The following WIF1 variants were observed in gnomAD, a reference collection of about 807,000 sequenced individuals.
The protein encoded by WIF1 is Wnt inhibitory factor 1.
A neutral mutation model predicts 53.5 loss-of-function variants in WIF1; 35 were observed. The ratio of observed to expected loss-of-function variants is 0.65; its 90% CI spans 0.50 to 0.87. The LOEUF (loss-of-function observed/expected upper bound fraction) is 0.87. Among genes scored for constraint, WIF1 ranks in the 40% least tolerant of loss-of-function variants. WIF1 has a pLI of 0.00. For missense variants in WIF1, 467 were observed against 476.8 expected (o/e 0.98, Z 0.19); for synonymous variants, 171 against 170.4 (o/e 1.00, Z -0.03).
At chr12:65,055,003 G>C in intron 9 of WIF1, 115 bp downstream of exon 9, 1 of 1,046,898 alleles carries the variant, frequency 9.6e-7, no homozygotes, top group Non-Finnish European at 1.4e-6. Context: ...TAGGTTGACT[G>C]TTAGCCTTTG....
chr12:65,091,195 T>G (rs1443972435), intron 2 of WIF1, among the ~76,000 whole-genome samples: 2 of 151,746 alleles, frequency 1.3e-5, no homozygotes, highest in African/African-American at 2.4e-5. Context: ...AAATCCAGAC[T>G]ATAGAAAACT....
intron 2 of WIF1, among the ~76,000 whole-genome samples, chr12:65,105,835 A>G (rs1050992893): frequency 1.3e-5 from 2 of 152,196 alleles, no homozygotes; most frequent in African/African-American, 4.8e-5. Context: ...GAGTTTTTGC[A>G]GGGACAAACC....
intron 8 of WIF1, 140 bp downstream of exon 8, chr12:65,055,890 TA>T: frequency 3.1e-6 from 2 of 648,710 alleles, no homozygotes; most frequent in Non-Finnish European, 5.1e-6. Flanking sequence ...CTGGTCTACA[TA>T]AGGAAGCATA....
intron 2 of WIF1, among the ~76,000 whole-genome samples, chr12:65,092,337 C>T (rs890447390): frequency 6.6e-5 from 10 of 151,660 alleles, no homozygotes; most frequent in African/African-American, 1.9e-4. Flanking sequence ...ATGTAGATGA[C>T]GGGTTGATGG....
At chr12:65,068,682 TGTG>T in intron 4 of WIF1, 79 bp downstream of exon 4, 3 of 1,395,812 alleles carry the variant, frequency 2.1e-6, no homozygotes, top group Non-Finnish European at 2.0e-6. Flanking sequence ...TGTGTGTGTG[TGTG>T]TATAGATATA....
intron 2 of WIF1, among the ~76,000 whole-genome samples, chr12:65,117,370 G>A (rs988732163): frequency 6.6e-6 from 1 of 152,172 alleles, no homozygotes. Context: ...AAGATCTGAC[G>A]AAGTTGATGT....
chr12:65,062,459 A>G (rs780999186), intron 7 of WIF1, 22 bp downstream of exon 7: 6 of 1,591,624 alleles, frequency 3.8e-6, no homozygotes, highest in Non-Finnish European at 3.4e-6. Context: ...AAGTCAAAAG[A>G]ACGCAGAAAG....
At chr12:65,089,832 AC>A (rs1883096896) in intron 2 of WIF1, among the ~76,000 whole-genome samples, 1 of 152,052 alleles carries the variant, frequency 6.6e-6, no homozygotes, top group South Asian at 2.1e-4. Flanking sequence ...TATTGTACTT[AC>A]GGTAAAAATC....
chr12:65,095,765 C>T lies in WIF1; in HGVS notation c.289-17911G>A, dbSNP rs189573053. Reference sequence around the variant, plus strand: ...AAGCAGATCGTGCTCACTTCGGCAGCACATATACTAAAATTGAAACGATAC... The same window carrying T: ...AAGCAGATCGTGCTCACTTCGGCAGTACATATACTAAAATTGAAACGATAC... On this transcript the variant is annotated intron_variant, in intron 2 of 9. Coordinates refer to ENST00000286574, the MANE Select transcript of WIF1 (RefSeq NM_007191.5). The T allele has an allele frequency of 1.0e-3, 152 of 152,206 alleles. 1 individual carries two copies. The highest frequency in any genetic ancestry group is 3.5e-3 in the African/African-American group (147 of 41,534). The allele number at this position is 152,206 out of a possible 1,614,324, so 9.4% of individuals were successfully genotyped here.
At chr12:65,081,169 G>GAA (rs1882943803) in intron 2 of WIF1, among the ~76,000 whole-genome samples, 1 of 151,710 alleles carries the variant, frequency 6.6e-6, no homozygotes, top group South Asian at 2.1e-4. Flanking sequence ...CAGTTCCGTG[G>GAA]CTGATGATTC....
intron 2 of WIF1, among the ~76,000 whole-genome samples, chr12:65,097,903 T>C (rs1292424459): frequency 6.6e-6 from 1 of 152,184 alleles, no homozygotes; most frequent in Non-Finnish European, 1.5e-5. Context: ...AATGTTCTAG[T>C]ATCACACAGG....
Sources: gnomAD v4.1 joint callset for allele counts (sites outside exome capture counted in the v4.1 genomes callset) on GRCh38, gnomAD v4.1.1 for gene constraint, MANE v1.5 for transcripts, NCBI Gene and HGNC (gene_info 2026-07-23, HGNC 2026-07-21) for gene names.